The following SLC24A2 variants were observed in gnomAD, a reference collection of about 807,000 sequenced individuals.
SLC24A2 encodes solute carrier family 24 member 2.
Under a neutral mutation model 62.0 loss-of-function variants are expected in SLC24A2, and 36 were observed. The ratio of observed to expected loss-of-function variants is 0.58; its 90% CI spans 0.44 to 0.77. SLC24A2 has a LOEUF of 0.77. Among genes scored for constraint, SLC24A2 ranks in the 30% least tolerant of loss-of-function variants. The pLI is 0.00. For synonymous variants in SLC24A2, 358 were observed against 294.0 expected (o/e 1.22, Z -2.23); for missense variants, 846 against 817.9 (o/e 1.03, Z -0.42).
the SLC24A2 span, among the ~76,000 whole-genome samples, chr9:20,167,778 G>T: frequency 6.6e-6 from 1 of 151,968 alleles, no homozygotes; most frequent in Non-Finnish European, 1.5e-5. Context: ...GGAGTGCAGT[G>T]GCAAGATCAT....
the SLC24A2 span, among the ~76,000 whole-genome samples, chr9:20,259,634 A>C: frequency 6.6e-6 from 1 of 151,966 alleles, no homozygotes; most frequent in African/African-American, 2.4e-5. Context: ...CTGGAGAGAG[A>C]CTTGAGATCC....
the SLC24A2 span, among the ~76,000 whole-genome samples, chr9:19,930,993 A>T: frequency 6.6e-6 from 1 of 152,248 alleles, no homozygotes; most frequent in Non-Finnish European, 1.5e-5. Context: ...CATTAGCAGA[A>T]TTCATTGACA....
At chr9:19,853,453 A>G in the SLC24A2 span, among the ~76,000 whole-genome samples, 3 of 152,196 alleles carry the variant, frequency 2.0e-5, no homozygotes, top group East Asian at 5.8e-4. Flanking sequence ...TTTGTCAAAA[A>G]TGGCTTTTAT....
the SLC24A2 span, among the ~76,000 whole-genome samples, chr9:20,157,172 G>C: frequency 6.6e-6 from 1 of 151,622 alleles, no homozygotes; most frequent in East Asian, 2.0e-4. Flanking sequence ...CAGTAAATTT[G>C]TTAAACCATA....
chr9:20,272,250 G>A, the SLC24A2 span, among the ~76,000 whole-genome samples: 2,498 of 152,240 alleles, frequency 0.016, 75 homozygotes, highest in African/African-American at 0.057. Flanking sequence ...CGCCTAAAAG[G>A]GACTCAGTAG....
chr9:20,080,427 T>G, the SLC24A2 span, among the ~76,000 whole-genome samples: 8 of 152,150 alleles, frequency 5.3e-5, no homozygotes, highest in Non-Finnish European at 1.0e-4. Flanking sequence ...TAGCCATATG[T>G]AGAAAGCTGA....
chr9:19,977,290 G>A, the SLC24A2 span, among the ~76,000 whole-genome samples: 9 of 152,218 alleles, frequency 5.9e-5, no homozygotes, highest in Middle Eastern at 3.4e-3. Flanking sequence ...AATAAAAAGC[G>A]CTTAAAATGC....
At chr9:19,780,519 GC>G in intron 2 of SLC24A2, among the ~76,000 whole-genome samples, 1 of 151,696 alleles carries the variant, frequency 6.6e-6, no homozygotes, top group Non-Finnish European at 1.5e-5. Context: ...ACCTGCCTCG[GC>G]CTCCCAAAGT....
the SLC24A2 span, among the ~76,000 whole-genome samples, chr9:20,297,507 A>G: frequency 6.6e-6 from 1 of 152,224 alleles, no homozygotes; most frequent in African/African-American, 2.4e-5. Flanking sequence ...TGGACTGTAA[A>G]TGAGGAAAGG....
the SLC24A2 span, among the ~76,000 whole-genome samples, chr9:20,022,463 G>C: frequency 6.6e-6 from 1 of 152,216 alleles, no homozygotes; most frequent in South Asian, 2.1e-4. Context: ...CCAGCAAGTA[G>C]TAGAGGCAGG....
At chr9:19,642,668 ATTCTTT>A (rs1818531938) in intron 2 of SLC24A2, among the ~76,000 whole-genome samples, 1 of 106,230 alleles carries the variant, frequency 9.4e-6, no homozygotes, top group South Asian at 3.0e-4. Flanking sequence ...ATGAGAGCGT[ATTCTTT>A]TTTTTTTTTT....
intron 6 of SLC24A2, among the ~76,000 whole-genome samples, chr9:19,576,297 A>G (rs1250131427): frequency 6.6e-6 from 1 of 152,212 alleles, no homozygotes; most frequent in Admixed American, 6.5e-5. Context: ...GACAGGAGAG[A>G]AGGAACATCA....
At position 19,513,745 on chromosome 9, in the gene SLC24A2, T is replaced by C. The variant is rs147480825; in HGVS notation, c.*2408A>G. 2.4e-4 allele frequency: 36 copies of C among 152,316 alleles called. No homozygotes were observed. The highest frequency in any genetic ancestry group is 8.2e-4 in the African/African-American group (34 of 41,576). 9.4% of individuals were successfully genotyped at this position (152,316 alleles called of 1,614,324 possible). A position where few individuals can be genotyped will look rare whatever the true frequency, so the allele number is the denominator to read the frequency against. On this transcript the variant is annotated 3_prime_UTR_variant, in exon 11 of 11. Transcript: ENST00000341998. ...GAGTCAGTCACCTATTTAAACCTTA[T>C]TTCAAACAACGCACCAGTCAATAAT...
the SLC24A2 span, among the ~76,000 whole-genome samples, chr9:20,227,466 A>G: frequency 1.3e-5 from 2 of 151,938 alleles, no homozygotes; most frequent in African/African-American, 2.4e-5. Flanking sequence ...ATGGAGAACT[A>G]AAAGCATAAT....
chr9:19,830,080 G>A, the SLC24A2 span, among the ~76,000 whole-genome samples: 6 of 151,904 alleles, frequency 3.9e-5, no homozygotes, highest in East Asian at 2.0e-4. Flanking sequence ...GCCAGTCCAC[G>A]GTGGATGAGT....
chr9:20,169,388 A>C, the SLC24A2 span, among the ~76,000 whole-genome samples: 2 of 151,982 alleles, frequency 1.3e-5, no homozygotes, highest in African/African-American at 4.8e-5. Flanking sequence ...AAATCAGGAA[A>C]GTGAAGAGAA....
intron 1 of SLC24A2, among the ~76,000 whole-genome samples, chr9:19,788,058 G>C (rs1407859525): frequency 6.6e-6 from 1 of 152,146 alleles, no homozygotes; most frequent in Non-Finnish European, 1.5e-5. Flanking sequence ...CCATATCAAC[G>C]ATTTCATTTT....
At chr9:20,065,487 G>A in the SLC24A2 span, among the ~76,000 whole-genome samples, 2 of 152,202 alleles carry the variant, frequency 1.3e-5, no homozygotes, top group African/African-American at 4.8e-5. Flanking sequence ...ACCCTCACAG[G>A]AAGCTAACGT....
chr9:20,110,134 A>G, the SLC24A2 span, among the ~76,000 whole-genome samples: 7 of 152,168 alleles, frequency 4.6e-5, no homozygotes, highest in African/African-American at 1.7e-4. Flanking sequence ...CTGAGCCCAC[A>G]GCGGAAGAAA....
Sources: gnomAD v4.1 joint callset for allele counts (sites outside exome capture counted in the v4.1 genomes callset) on GRCh38, gnomAD v4.1.1 for gene constraint, MANE v1.5 for transcripts, NCBI Gene and HGNC (gene_info 2026-07-23, HGNC 2026-07-21) for gene names.